SHLD1: variants seen among roughly 807,000 people sequenced by gnomAD.
SHLD1 encodes shieldin complex subunit 1.
In SHLD1, 3 loss-of-function variants were observed where a neutral mutation model predicts 5.5. The ratio of observed to expected loss-of-function variants is 0.54; its 90% CI spans 0.25 to 1.40. The LOEUF (loss-of-function observed/expected upper bound fraction) is 1.40. Ranked by LOEUF, SHLD1 falls within the 40% of genes most tolerant of loss-of-function variation. SHLD1 has a pLI of 0.15. For synonymous variants in SHLD1, 92 were observed against 94.3 expected, an observed-to-expected ratio of 0.98 and a Z score of 0.14; for missense variants, 210 against 244.4, an observed-to-expected ratio of 0.86 and a Z score of 0.94.
At chr20:5,851,494 T>TAAAAAAAAAAA (rs557612044) in intron 2 of SHLD1, among the ~76,000 whole-genome samples, 1 of 133,328 alleles carries the variant, frequency 7.5e-6, no homozygotes, top group Admixed American at 7.7e-5. Context: ...CCTGTCTCCT[T>TAAAAAAAAAAA]AAAAAAAAAA....
At chr20:5,805,417 G>A (rs416303) in intron 2 of SHLD1, among the ~76,000 whole-genome samples, 39,601 of 151,444 alleles carry the variant, frequency 0.26, 6,384 homozygotes, top group African/African-American at 0.45. Flanking sequence ...TCAGCCTCCC[G>A]AAGTGCTGAG....
At chr20:5,802,250 C>CTTTGCTTTGCTTT (rs76947247) in intron 2 of SHLD1, among the ~76,000 whole-genome samples, 3 of 151,898 alleles carry the variant, frequency 2.0e-5, no homozygotes, top group African/African-American at 4.8e-5. Flanking sequence ...TTGCTCTTTG[C>CTTTGCTTTGCTTT]ACCTTCTCAG....
intron 2 of SHLD1, among the ~76,000 whole-genome samples, chr20:5,798,634 T>TC (rs1568507995): frequency 2.0e-5 from 3 of 147,334 alleles, no homozygotes; most frequent in Admixed American, 6.9e-5. Flanking sequence ...TTTTTTTTTT[T>TC]TGAGACGGAG....
chr20:5,830,303 C>T (rs2087712958), intron 2 of SHLD1, among the ~76,000 whole-genome samples: 2 of 151,962 alleles, frequency 1.3e-5, no homozygotes, highest in South Asian at 4.1e-4. Flanking sequence ...CAAACTGCCA[C>T]TGTATGCATA....
rs369745038 is a variant in SHLD1 at position 5,825,326 on chromosome 20, T to G, written c.179-37698T>G. ...TCGGTAGCTGTTATTGAATGCCCAC[T>G]GGGTGGCTGCAGGCTCCTGGCTGAC... On this transcript the variant is annotated intron_variant, in intron 2 of 2. Transcript: ENST00000303142. Among the ~76,000 whole-genome samples the G allele has an allele frequency of 4.4e-3, 677 of 152,344 alleles. 7 individuals carry two copies. The highest frequency in any genetic ancestry group is 0.015 in the African/African-American group (637 of 41,576).
chr20:5,780,803 C>A (rs553267071), intron 2 of SHLD1, among the ~76,000 whole-genome samples: 1 of 152,194 alleles, frequency 6.6e-6, no homozygotes. Flanking sequence ...CCTCCATTCC[C>A]CTCTGGACTA....
intron 2 of SHLD1, among the ~76,000 whole-genome samples, chr20:5,776,655 C>T (rs1257021399): frequency 1.3e-5 from 2 of 151,904 alleles, no homozygotes; most frequent in Non-Finnish European, 2.9e-5. Context: ...CCCAGATACT[C>T]GGGGGCCTGA....
At chr20:5,826,845 C>T (rs933010270) in intron 2 of SHLD1, among the ~76,000 whole-genome samples, 4 of 152,124 alleles carry the variant, frequency 2.6e-5, no homozygotes, top group South Asian at 2.1e-4. Flanking sequence ...GGGCCTGGCA[C>T]GCATAGGTTT....
chr20:5,755,982 T>C (rs575169460), intron 1 of SHLD1, among the ~76,000 whole-genome samples: 5 of 152,312 alleles, frequency 3.3e-5, no homozygotes, highest in African/African-American at 1.2e-4. Flanking sequence ...GGGCCTGCAG[T>C]CATGTGATGC....
chr20:5,769,097 G>A (rs1985005879), intron 1 of SHLD1, among the ~76,000 whole-genome samples: 1 of 152,014 alleles, frequency 6.6e-6, no homozygotes, highest in Admixed American at 6.6e-5. Context: ...TGTAAAAATT[G>A]GGTCTTGCTA....
At chr20:5,839,792 T>C (rs1320447705) in intron 2 of SHLD1, among the ~76,000 whole-genome samples, 1 of 152,206 alleles carries the variant, frequency 6.6e-6, no homozygotes, top group Non-Finnish European at 1.5e-5. Flanking sequence ...TGCTTTTAAG[T>C]ATTCTTTTCA....
intron 1 of SHLD1, among the ~76,000 whole-genome samples, chr20:5,754,948 C>G (rs576645213): frequency 6.6e-6 from 1 of 151,850 alleles, no homozygotes; most frequent in South Asian, 2.1e-4. Context: ...TCCAGCTACT[C>G]GGGAGGCTGA....
At chr20:5,754,222 C>T (rs922304054) in intron 1 of SHLD1, among the ~76,000 whole-genome samples, 1 of 152,126 alleles carries the variant, frequency 6.6e-6, no homozygotes, top group Non-Finnish European at 1.5e-5. Flanking sequence ...GCAATCCTCC[C>T]ATCTCAGCCT....
intron 2 of SHLD1, among the ~76,000 whole-genome samples, chr20:5,773,842 G>A (rs1985301369): frequency 6.6e-6 from 1 of 152,118 alleles, no homozygotes; most frequent in Non-Finnish European, 1.5e-5. Context: ...AGGTAAACCT[G>A]TAAGATACTT....
chr20:5,827,192 G>A (rs1316951551), intron 2 of SHLD1, among the ~76,000 whole-genome samples: 8 of 152,204 alleles, frequency 5.3e-5, no homozygotes, highest in East Asian at 3.9e-4. Context: ...GCGTGTGCTC[G>A]CAGCAGCTGT....
chr20:5,835,721 G>T (rs190974646), intron 2 of SHLD1, among the ~76,000 whole-genome samples: 126 of 152,360 alleles, frequency 8.3e-4, no homozygotes, highest in African/African-American at 2.8e-3. Flanking sequence ...CAAAGAGAAG[G>T]ATCTGGAAAT....
chr20:5,828,381 T>C (rs1292672487), intron 2 of SHLD1, among the ~76,000 whole-genome samples: 1 of 152,186 alleles, frequency 6.6e-6, no homozygotes, highest in Non-Finnish European at 1.5e-5. Flanking sequence ...TAATACATTA[T>C]AACATATCGT....
At chr20:5,857,050 C>T (rs146298600) in intron 2 of SHLD1, among the ~76,000 whole-genome samples, 3,663 of 152,220 alleles carry the variant, frequency 0.024, 75 homozygotes, top group Middle Eastern at 0.055. Flanking sequence ...GGTGCAATCT[C>T]GGCTCACTGC....
chr20:5,810,651 TG>T (rs1433232536), intron 2 of SHLD1, among the ~76,000 whole-genome samples: 1 of 152,032 alleles, frequency 6.6e-6, no homozygotes, highest in Non-Finnish European at 1.5e-5. Context: ...CCCAGCACCT[TG>T]GGAGGCTGAG....
Sources: gnomAD v4.1 joint callset for allele counts (sites outside exome capture counted in the v4.1 genomes callset) on GRCh38, gnomAD v4.1.1 for gene constraint, MANE v1.5 for transcripts, NCBI Gene and HGNC (gene_info 2026-07-23, HGNC 2026-07-21) for gene names.